ERI1: variants seen among roughly 807,000 people sequenced by gnomAD.
ERI1 encodes exoribonuclease 1.
Under a neutral mutation model 39.7 loss-of-function variants are expected in ERI1, and 39 were observed. The ratio of observed to expected loss-of-function variants is 0.98; its 90% CI spans 0.76 to 1.28. ERI1 has a LOEUF of 1.28. ERI1 is among the 50% of genes most tolerant of loss of function. The probability of loss-of-function intolerance (pLI) is 0.00; values close to 1 mark genes in which losing one functional copy is unlikely to be tolerated. For missense variants in ERI1, 581 were observed against 416.9 expected (o/e 1.39, Z -3.43); for synonymous variants, 204 against 149.6 (o/e 1.36, Z -2.65).
chr8:9,013,919 C>G (rs1462804531), intron 3 of ERI1, among the ~76,000 whole-genome samples: 3 of 152,134 alleles, frequency 2.0e-5, no homozygotes, highest in Admixed American at 2.0e-4. Context: ...CATTCTGATC[C>G]TCTATCATTT....
rs1798552175 is a variant in ERI1, at chr8:9,057,665, A to G, written n.299+37201A>G. On this transcript the variant is annotated intron_variant and non_coding_transcript_variant, in intron 3 of 3. Transcript: ENST00000518663. The stretch of plus-strand genomic sequence containing the variant: ...GACTGTACATTCTAGTGAGGAGAGG[A>G]AGAAAGTAAACATCCTTAAGTCTGT... 4.0e-5 allele frequency among the ~76,000 whole-genome samples: 6 copies of G among 151,774 alleles called. No individual in the cohort carries two copies. In the Admixed American group the frequency reaches 4.0e-4, roughly 10 times the overall value.
At chr8:9,003,662 T>G (rs1269824137) in intron 1 of ERI1, among the ~76,000 whole-genome samples, 1 of 152,216 alleles carries the variant, frequency 6.6e-6, no homozygotes, top group Non-Finnish European at 1.5e-5. Flanking sequence ...CATTAACTGG[T>G]GTCTCATATA....
intron 3 of ERI1, among the ~76,000 whole-genome samples, chr8:9,085,270 A>G (rs1195599205): frequency 2.0e-5 from 3 of 152,120 alleles, no homozygotes; most frequent in Admixed American, 6.5e-5. Context: ...GTGCAATGAC[A>G]TGGTCTCGAC....
Position 9,008,128 on chromosome 8 carries a change from A to G in ERI1, c.267A>G (p.Ser89=). Residue 89 remains serine, a synonymous_variant, in exon 2 of 7, where the codon TCA becomes TCG. Coordinates refer to ENST00000250263, the MANE Select transcript of ERI1 (RefSeq NM_153332.4). Reference sequence around the variant, plus strand: ...AGGAAGAACTCAGAGCTAAGCTTTCAGAATTCAAGCTTGAAACTAGGTAAT... The same window carrying G: ...AGGAAGAACTCAGAGCTAAGCTTTCGGAATTCAAGCTTGAAACTAGGTAAT... ...MSKEELRAKL[S]EFKLETRGVK... The G allele has an allele frequency of 6.3e-7, 1 of 1,593,512 alleles. No homozygotes were observed. Among genetic ancestry groups the G allele is most frequent in the East Asian group, 2.2e-5 (1 of 44,600 alleles).
At chr8:9,038,732 A>T (rs1257589046) in intron 3 of ERI1, among the ~76,000 whole-genome samples, 1 of 152,182 alleles carries the variant, frequency 6.6e-6, no homozygotes, top group Non-Finnish European at 1.5e-5. Flanking sequence ...GACCGTAAGG[A>T]TGTGTGAAGT....
At chr8:9,053,151 G>A (rs1026108107) in intron 3 of ERI1, among the ~76,000 whole-genome samples, 2 of 152,064 alleles carry the variant, frequency 1.3e-5, no homozygotes, top group Non-Finnish European at 2.9e-5. Flanking sequence ...AGAATAGCTG[G>A]GACCACAGGC....
chr8:9,019,869 T>C (rs1159528971), intron 5 of ERI1, among the ~76,000 whole-genome samples: 3 of 152,318 alleles, frequency 2.0e-5, no homozygotes, highest in South Asian at 4.1e-4. Context: ...ACAATTTCCA[T>C]ATTACACAAT....
At chr8:9,039,295 C>T (rs147604938) in intron 3 of ERI1, among the ~76,000 whole-genome samples, 2 of 152,248 alleles carry the variant, frequency 1.3e-5, no homozygotes, top group Admixed American at 6.5e-5. Flanking sequence ...TATGTTTCGT[C>T]AAAACCTTGG....
intron 3 of ERI1, among the ~76,000 whole-genome samples, chr8:9,068,491 G>A (rs929788504): frequency 1.3e-5 from 2 of 152,054 alleles, no homozygotes; most frequent in Admixed American, 6.6e-5. Context: ...TGTGTGCCAT[G>A]ACGCCTGGCT....
downstream of ERI1, among the ~76,000 whole-genome samples, chr8:9,035,540 T>G (rs977237209): frequency 1.7e-4 from 26 of 152,296 alleles, 1 homozygote; most frequent in African/African-American, 6.0e-4. Flanking sequence ...TGAAGCCTGC[T>G]GTTGAGACTT....
Position 9,008,083 on chromosome 8 carries a change from C to T in ERI1, c.222C>T (p.Gly74=), listed in dbSNP as rs1422647445. Residue 74 remains glycine (G), a synonymous_variant, in exon 2 of 7, where the codon GGC becomes GGT. Coordinates refer to ENST00000250263, the MANE Select transcript of ERI1 (RefSeq NM_153332.4). ...PVYKEIAITN[G]CINRMSKEEL... ...ACAAAGAGATTGCCATTACGAATGG[C>T]TGTATTAATAGAATGAGTAAGGAAG... 6.2e-7 allele frequency: 1 copy of T among 1,612,524 alleles called. No individual in the cohort carries two copies. Among genetic ancestry groups the T allele is most frequent in the Admixed American group, 1.7e-5 (1 of 59,844 alleles).
chr8:9,037,652 A>G (rs1325690651), downstream of ERI1, among the ~76,000 whole-genome samples: 3 of 152,180 alleles, frequency 2.0e-5, no homozygotes, highest in Non-Finnish European at 4.4e-5. Context: ...TGTTCCTGAA[A>G]TTGCAAAAGG....
intron 3 of ERI1, among the ~76,000 whole-genome samples, chr8:9,089,914 G>A (rs748432289): frequency 6.6e-6 from 1 of 152,062 alleles, no homozygotes; most frequent in Non-Finnish European, 1.5e-5. Flanking sequence ...TGAACAATGA[G>A]ACAGATTCCC....
chr8:9,039,042 G>C (rs1339556377), intron 3 of ERI1, among the ~76,000 whole-genome samples: 4 of 152,102 alleles, frequency 2.6e-5, no homozygotes, highest in African/African-American at 9.7e-5. Flanking sequence ...ATTTTTGAAA[G>C]GTGCCTAACT....
At chr8:9,069,834 A>C (rs1456365329) in intron 3 of ERI1, among the ~76,000 whole-genome samples, 1 of 152,242 alleles carries the variant, frequency 6.6e-6, no homozygotes, top group Admixed American at 6.5e-5. Flanking sequence ...TATTGAACAT[A>C]TTATTTCCTC....
chr8:9,076,598 T>A lies in ERI1; in HGVS notation n.300-39750T>A, dbSNP rs114497671. ...AGTTCTTATTGGCCCATCAAGAGTT[T>A]GTTTCTTTAAATTATCCATTGCCTT... On this transcript the variant is annotated intron_variant and non_coding_transcript_variant, in intron 3 of 3. Transcript: ENST00000518663. 2.1e-3 allele frequency among the ~76,000 whole-genome samples: 320 copies of A among 152,346 alleles called. 3 individuals carry two copies. The highest frequency in any genetic ancestry group is 7.2e-3 in the African/African-American group (300 of 41,576).
intron 3 of ERI1, among the ~76,000 whole-genome samples, chr8:9,099,599 A>T (rs1799987117): frequency 1.6e-5 from 2 of 126,362 alleles, no homozygotes; most frequent in South Asian, 2.5e-4. Flanking sequence ...TCTCTCTCTC[A>T]AAAAAAAAAA....
chr8:9,088,054 A>G (rs1563098177), intron 3 of ERI1, among the ~76,000 whole-genome samples: 1 of 152,142 alleles, frequency 6.6e-6, no homozygotes, highest in Non-Finnish European at 1.5e-5. Flanking sequence ...ACGCTGCGGT[A>G]TGTGGTTTCA....
At chr8:9,008,377 G>T (rs1314687331) in intron 2 of ERI1, among the ~76,000 whole-genome samples, 1 of 152,066 alleles carries the variant, frequency 6.6e-6, no homozygotes, top group Non-Finnish European at 1.5e-5. Context: ...ATGACCTACC[G>T]GCAATGTATA....
Sources: allele counts gnomAD v4.1 joint callset (sites outside exome capture counted in the v4.1 genomes callset), GRCh38; gene constraint gnomAD v4.1.1; transcripts MANE v1.5; gene names NCBI Gene and HGNC (gene_info 2026-07-23, HGNC 2026-07-21).